Variants in MPP4 observed in about 807,000 individuals in gnomAD.
MPP4 encodes the protein MAGUK p55 subfamily member 4.
In MPP4, 91 loss-of-function variants were observed where a neutral mutation model predicts 98.3. The observed-to-expected ratio is 0.93, with a 90% confidence interval of 0.78 to 1.10. MPP4 has a LOEUF of 1.10. Among genes scored for constraint, MPP4 ranks in the 50% least tolerant of loss-of-function variants. MPP4 has a pLI of 0.00. For missense variants in MPP4, 744 were observed against 792.9 expected, an observed-to-expected ratio of 0.94 and a Z score of 0.74; for synonymous variants, 261 against 271.8, an observed-to-expected ratio of 0.96 and a Z score of 0.39.
rs750954591 is a variant in MPP4, at chr2:201,645,172, G to C, written c.*38C>G. 2 of 1,543,106 alleles carry C rather than the reference G, an allele frequency of 1.3e-6. No individual in the cohort carries two copies. The highest frequency in any genetic ancestry group is 2.4e-5 in the South Asian group (2 of 82,948). On this transcript the variant is annotated 3_prime_UTR_variant, in exon 22 of 22. Coordinates refer to ENST00000409474, the MANE Select transcript of MPP4 (RefSeq NM_033066.3). The stretch of plus-strand genomic sequence containing the variant: ...TTGCAACTATGGATCGCTGTATCAA[G>C]GGTACAGTGTTAAAACTCCAGCATT...
chr2:201,680,718 G>T, intron 10 of MPP4, 120 bp downstream of exon 10: 1 of 817,552 alleles, frequency 1.2e-6, no homozygotes, highest in Non-Finnish European at 1.9e-6. Context: ...AAACCAGTGT[G>T]TGTGTGTTCA....
At chr2:201,679,844 C>T (rs921681847) in intron 10 of MPP4, among the ~76,000 whole-genome samples, 1 of 152,164 alleles carries the variant, frequency 6.6e-6, no homozygotes, top group Non-Finnish European at 1.5e-5. Context: ...CACTGTCATC[C>T]ATTTCTTCAA....
chr2:201,651,268 G>A, intron 18 of MPP4: 1 of 985,398 alleles, frequency 1.0e-6, no homozygotes, highest in Non-Finnish European at 1.2e-6. Flanking sequence ...GGGTCTAAAA[G>A]CAAATGTCAT....
chr2:201,656,098 TAA>T (rs1687838783), intron 17 of MPP4, 98 bp downstream of exon 17: 2 of 1,318,538 alleles, frequency 1.5e-6, no homozygotes, highest in Non-Finnish European at 2.0e-6. Flanking sequence ...TGGGGGTCCA[TAA>T]AGAGTTCTAC....
At chr2:201,678,563 G>A (rs2105936064) in intron 10 of MPP4, among the ~76,000 whole-genome samples, 1 of 152,258 alleles carries the variant, frequency 6.6e-6, no homozygotes, top group South Asian at 2.1e-4. Context: ...TGGAAGCCCT[G>A]ACTCGGAGGC....
chr2:201,693,957 T>C lies in MPP4; in HGVS notation c.-3A>G. 1.2e-6 allele frequency: 2 copies of C among 1,613,962 alleles called. No individual in the cohort carries two copies. Among genetic ancestry groups the C allele is most frequent in the African/African-American group, 1.3e-5 (1 of 75,034 alleles). ...GCTCCTTTGTCTGACTGTATCATCC[T>C]CCCTGCCGGAGCTTCTGAAAGGAAT... On this transcript the variant is annotated 5_prime_UTR_variant, in exon 2 of 22. Transcript: ENST00000409474.
In MPP4 at chr2:201,680,872, C is replaced by T. The variant is rs776979135; in HGVS notation, c.895G>A (p.Ala299Thr). 11 of 1,613,234 alleles carry T rather than the reference C, an allele frequency of 6.8e-6. No homozygotes were observed. The highest frequency in any genetic ancestry group is 6.7e-5 in the African/African-American group (5 of 74,870). The change falls in exon 10 of 22, where the codon GCT (alanine) becomes ACT (threonine). Residue 299 changes from alanine (A) to threonine (T), a missense_variant. Transcript: ENST00000409474. ...AGGTGGTTAGAAGGGACAAGCCCAG[C>T]GCAGGTAGCAGGGTCTGAGATTTTT... Reference protein sequence around the residue: ...ARKISDPATCAGLVPSNHLLK... With the variant: ...ARKISDPATCTGLVPSNHLLK...
At chr2:201,684,959 A>AG in intron 7 of MPP4, 105 bp downstream of exon 7, 10 of 876,662 alleles carry the variant, frequency 1.1e-5, no homozygotes, top group East Asian at 3.4e-5. Context: ...AAAAAAAAAA[A>AG]AGAAAAAAAA....
chr2:201,683,133 A>G (rs530417784), intron 7 of MPP4, among the ~76,000 whole-genome samples: 16 of 151,078 alleles, frequency 1.1e-4, no homozygotes, highest in Non-Finnish European at 2.4e-4. Context: ...AATACTTGGC[A>G]TTGACTTATG....
chr2:201,647,861 T>C, intron 20 of MPP4, 36 bp from the exon 21 acceptor site: 1 of 1,552,778 alleles, frequency 6.4e-7, no homozygotes, highest in South Asian at 1.2e-5. Context: ...TTATTTTTTG[T>C]TTGTTTTGTT....
At position 201,656,317 on chromosome 2, in the gene MPP4, G is replaced by A. The variant is rs151268037; in HGVS notation, c.1181C>T (p.Pro394Leu). The change falls in exon 17 of 22, where the codon CCG (proline) becomes CTG (leucine). Residue 394 changes from proline to leucine, a missense_variant. Transcript: ENST00000409474. Reference protein sequence around the residue: ...RLCRRKSHLSPLHASVCCTGS... With the variant: ...RLCRRKSHLSLLHASVCCTGS... ...GGTGCAGCACACACTGGCATGCAGCGGGCTGAGGTGAGACTTCCTGCGACA... is the reference window on the plus strand; with the variant it reads ...GGTGCAGCACACACTGGCATGCAGCAGGCTGAGGTGAGACTTCCTGCGACA... The A allele has an allele frequency of 7.7e-6, 12 of 1,561,340 alleles. No homozygotes were observed. Among genetic ancestry groups the A allele is most frequent in the East Asian group, 2.4e-5 (1 of 41,746 alleles).
In MPP4 at chr2:201,656,301, C is replaced by G. The variant is rs1371537089; in HGVS notation, c.1197G>C (p.Val399=). 6.3e-7 allele frequency: 1 copy of G among 1,576,308 alleles called. No homozygotes were observed. Among genetic ancestry groups the G allele is most frequent in the Non-Finnish European group, 8.6e-7 (1 of 1,160,434 alleles). ...CACTGTAGCAGCTGCCGGTGCAGCACACACTGGCATGCAGCGGGCTGAGGT... is the reference window on the plus strand; with the variant it reads ...CACTGTAGCAGCTGCCGGTGCAGCAGACACTGGCATGCAGCGGGCTGAGGT... ...KSHLSPLHAS[V]CCTGSCYSAV... is the part of the protein sequence containing the mutation. The change falls in exon 17 of 22, where the codon GTG becomes GTC. Residue 399 remains valine, a synonymous_variant. Transcript: ENST00000409474.
chr2:201,664,604 C>A (rs1688118777), intron 13 of MPP4, among the ~76,000 whole-genome samples: 1 of 152,100 alleles, frequency 6.6e-6, no homozygotes, highest in Non-Finnish European at 1.5e-5. Flanking sequence ...TGAGATAAAC[C>A]AACTTCCGCA....
At chr2:201,662,353 T>C (rs1688052283) in intron 14 of MPP4, among the ~76,000 whole-genome samples, 1 of 150,530 alleles carries the variant, frequency 6.6e-6, no homozygotes, top group Admixed American at 6.6e-5. Context: ...ATACAAAAAT[T>C]AGCTGGGTGT....
At chr2:201,693,495 T>A (rs1045207847) in intron 2 of MPP4, among the ~76,000 whole-genome samples, 1 of 152,142 alleles carries the variant, frequency 6.6e-6, no homozygotes, top group African/African-American at 2.4e-5. Context: ...TAACTCCCAA[T>A]AGATTTAATG....
At chr2:201,668,249 A>G (rs1302056299) in intron 12 of MPP4, among the ~76,000 whole-genome samples, 1 of 152,128 alleles carries the variant, frequency 6.6e-6, no homozygotes, top group African/African-American at 2.4e-5. Flanking sequence ...CCACATTATC[A>G]GCTAGGATAA....
chr2:201,666,878 T>C (rs1688197102), intron 12 of MPP4, among the ~76,000 whole-genome samples: 1 of 152,114 alleles, frequency 6.6e-6, no homozygotes, highest in Admixed American at 6.5e-5. Flanking sequence ...CTTGGAGAGA[T>C]AAAAAGGGCT....
chr2:201,670,591 T>C (rs1358785222), intron 11 of MPP4, among the ~76,000 whole-genome samples: 2 of 152,210 alleles, frequency 1.3e-5, no homozygotes, highest in Non-Finnish European at 2.9e-5. Flanking sequence ...CCAGAAGTTA[T>C]ACTACAGGTA....
At position 201,645,373 on chromosome 2, in the gene MPP4, G is replaced by A. The variant is rs1476409592; in HGVS notation, c.1751C>T (p.Ala584Val). 6.2e-7 allele frequency: 1 copy of A among 1,613,906 alleles called. No individual in the cohort carries two copies. Among genetic ancestry groups the A allele is most frequent in the Non-Finnish European group, 8.5e-7 (1 of 1,179,840 alleles). Residue 584 changes from alanine to valine, a missense_variant, in exon 22 of 22, where the codon GCC becomes GTC. Transcript: ENST00000409474. ...DEDLQEMENLAQRMETQFGQF... is the reference protein window; with the variant it reads ...DEDLQEMENLVQRMETQFGQF... ...GCCAAACTGAGTTTCCATTCTTTGG[G>A]CTAAATTTTCCATCTCTTGTAGGTC... is the stretch of plus-strand genomic sequence containing the variant.
Sources: gnomAD v4.1 joint callset for allele counts (sites outside exome capture counted in the v4.1 genomes callset) on GRCh38, gnomAD v4.1.1 for gene constraint, MANE v1.5 for transcripts, NCBI Gene and HGNC (gene_info 2026-07-23, HGNC 2026-07-21) for gene names.